The following ALDH1A1 variants were observed in gnomAD, a reference collection of about 807,000 sequenced individuals.
ALDH1A1 encodes aldehyde dehydrogenase 1A1.
In ALDH1A1, 19 loss-of-function variants were observed where a neutral mutation model predicts 62.1. The ratio of observed to expected loss-of-function variants is 0.31; its 90% confidence interval spans 0.21 to 0.45. The LOEUF is 0.45. Ranked by LOEUF, ALDH1A1 falls within the 20% of genes least tolerant of loss-of-function variation. The pLI is 1.00. For missense variants in ALDH1A1, 521 were observed against 607.1 expected (o/e 0.86, Z 1.49); for synonymous variants, 231 against 215.9 (o/e 1.07, Z -0.61).
intron 3 of ALDH1A1, among the ~76,000 whole-genome samples, chr9:72,930,659 A>C (rs536974276): frequency 5.3e-5 from 8 of 152,196 alleles, no homozygotes; most frequent in Non-Finnish European, 1.2e-4. Flanking sequence ...AGACCGTAGA[A>C]TCTATTATGG....
chr9:72,906,704 A>G (rs1220865086), intron 11 of ALDH1A1, among the ~76,000 whole-genome samples: 2 of 152,238 alleles, frequency 1.3e-5, no homozygotes, highest in Admixed American at 6.5e-5. Context: ...AGTTTTGCAG[A>G]CCATAAACAA....
Position 72,917,066 on chromosome 9 carries a change from AGAAT to A in ALDH1A1, c.885_888del (p.Phe296ThrfsTer8). ...GCTATACAACACTGGCCCTGGTGGT[AGAAT>A]ACCCCATGGTGTGCAAATTCAACAG... is the stretch of plus-strand genomic sequence containing the variant. On this transcript the variant is annotated frameshift_variant, in exon 9 of 13. Coordinates refer to ENST00000297785, the MANE Select transcript of ALDH1A1 (RefSeq NM_000689.5). LOFTEE classifies it high-confidence loss of function. 1 of 1,611,802 alleles carries A rather than the reference AGAAT, an allele frequency of 6.2e-7. No individual in the cohort carries two copies. Among genetic ancestry groups the A allele is most frequent in the Non-Finnish European group, 8.5e-7 (1 of 1,178,728 alleles).
intron 10 of ALDH1A1, 87 bp downstream of exon 10, chr9:72,911,871 G>C (rs1278252520): frequency 2.8e-6 from 4 of 1,436,536 alleles, no homozygotes; most frequent in Non-Finnish European, 3.9e-6. Flanking sequence ...GTTCCAAAGA[G>C]CTGGGAATTT....
At chr9:72,939,439 ATAACT>A (rs1404583109) in intron 2 of ALDH1A1, among the ~76,000 whole-genome samples, 1 of 152,204 alleles carries the variant, frequency 6.6e-6, no homozygotes, top group Non-Finnish European at 1.5e-5. Context: ...TTTTAATAAA[ATAACT>A]TAGTAATATA....
At chr9:72,941,302 A>T (rs1334380163) in intron 1 of ALDH1A1, among the ~76,000 whole-genome samples, 2 of 152,194 alleles carry the variant, frequency 1.3e-5, no homozygotes, top group African/African-American at 4.8e-5. Flanking sequence ...TCCAAGGTTT[A>T]AATTAGCTAC....
chr9:72,941,187 G>A (rs996526959), intron 1 of ALDH1A1, among the ~76,000 whole-genome samples: 3 of 152,094 alleles, frequency 2.0e-5, no homozygotes, highest in African/African-American at 7.2e-5. Context: ...TGACATATGT[G>A]CTGGATTATA....
At position 72,911,961 on chromosome 9, in the gene ALDH1A1, C is replaced by T. The variant is rs764465241; in HGVS notation, c.1197G>A (p.Glu399=). ...NVTDEMRIAK[E]EIFGPVQQIM... is the part of the protein sequence containing the mutation. Reference sequence around the variant, plus strand: ...AGAACAGAATGAAGCCATTTACCTCCTCTTTGGCAATGCGCATCTCATCTG... The same window carrying T: ...AGAACAGAATGAAGCCATTTACCTCTTCTTTGGCAATGCGCATCTCATCTG... Residue 399 remains glutamate (E), a synonymous_variant, in exon 10 of 13, where the codon GAG becomes GAA. Transcript: ENST00000297785. The T allele has an allele frequency of 6.2e-7, 1 of 1,613,886 alleles. No homozygotes were observed. Among genetic ancestry groups the T allele is most frequent in the Non-Finnish European group, 8.5e-7 (1 of 1,179,830 alleles).
chr9:72,930,701 T>C (rs987378614), intron 3 of ALDH1A1, among the ~76,000 whole-genome samples, 178 bp downstream of exon 3: 2 of 152,192 alleles, frequency 1.3e-5, no homozygotes, highest in Admixed American at 6.5e-5. Flanking sequence ...AGAATTGAAA[T>C]GCAGATTACT....
intron 8 of ALDH1A1, among the ~76,000 whole-genome samples, chr9:72,918,436 C>A (rs896580961): frequency 6.6e-5 from 10 of 151,966 alleles, no homozygotes; most frequent in Admixed American, 5.9e-4. Context: ...AAAAAATACA[C>A]CATGGCATTT....
chr9:72,940,374 C>T, intron 1 of ALDH1A1, 122 bp from the exon 2 acceptor site: 1 of 696,278 alleles, frequency 1.4e-6, no homozygotes, highest in Non-Finnish European at 2.5e-6. Context: ...CTTCACCTCT[C>T]AAAACTTTCT....
At chr9:72,914,367 C>T (rs537356229) in intron 9 of ALDH1A1, among the ~76,000 whole-genome samples, 1 of 152,228 alleles carries the variant, frequency 6.6e-6, no homozygotes, top group Non-Finnish European at 1.5e-5. Flanking sequence ...AGCATGTGGA[C>T]CAAGCACTCT....
At position 72,924,124 on chromosome 9, in the gene ALDH1A1, A is replaced by T. The variant is rs766660256; in HGVS notation, c.642T>A (p.Phe214Leu). The change falls in exon 7 of 13, where the codon TTT becomes TTA. Residue 214 changes from phenylalanine to leucine, a missense_variant. Coordinates refer to ENST00000297785, the MANE Select transcript of ALDH1A1 (RefSeq NM_000689.5). ...HVASLIKEAG[F>L]PPGVVNIVPG... is the part of the protein sequence containing the mutation. ...GAACAATATTCACTACTCCAGGAGG[A>T]AACCCTGCCTAAAAGATAAAAAGTT... 4 of 1,601,746 alleles carry T rather than the reference A, an allele frequency of 2.5e-6. No homozygotes were observed. In the African/African-American group the frequency reaches 4.0e-5, roughly 16 times the overall value.
intron 2 of ALDH1A1, among the ~76,000 whole-genome samples, chr9:72,937,641 T>G (rs1047298289): frequency 1.3e-5 from 2 of 152,180 alleles, no homozygotes; most frequent in African/African-American, 4.8e-5. Context: ...ACTGTGGACA[T>G]GTACAGAGGC....
At chr9:72,932,912 G>A (rs560381346) in intron 2 of ALDH1A1, among the ~76,000 whole-genome samples, 1 of 152,282 alleles carries the variant, frequency 6.6e-6, no homozygotes, top group Non-Finnish European at 1.5e-5. Context: ...ATTGGTCTTA[G>A]CCAAATATGG....
At chr9:72,901,519 C>T (rs1829803404) in intron 12 of ALDH1A1, among the ~76,000 whole-genome samples, 1 of 152,036 alleles carries the variant, frequency 6.6e-6, no homozygotes, top group African/African-American at 2.4e-5. Flanking sequence ...CATGTACTGT[C>T]AGTTGATTTC....
At chr9:72,937,558 A>G (rs1475314055) in intron 2 of ALDH1A1, among the ~76,000 whole-genome samples, 1 of 152,200 alleles carries the variant, frequency 6.6e-6, no homozygotes. Flanking sequence ...AATCTCAAAG[A>G]AGGTTAAGTA....
At chr9:72,902,642 G>T (rs1829820036) in intron 12 of ALDH1A1, among the ~76,000 whole-genome samples, 1 of 151,872 alleles carries the variant, frequency 6.6e-6, no homozygotes. Flanking sequence ...TGTATTTTGG[G>T]TCATATAGGC....
At chr9:72,901,376 T>A in intron 12 of ALDH1A1, 96 bp from the exon 13 acceptor site, 1 of 817,334 alleles carries the variant, frequency 1.2e-6, no homozygotes, top group Non-Finnish European at 2.0e-6. Context: ...CTTGTTTTAC[T>A]GGCTAGGGAC....
intron 7 of ALDH1A1, among the ~76,000 whole-genome samples, chr9:72,921,503 C>CTTTTTTTTTTTTTTTTTTATTT (rs11327072): frequency 3.7e-5 from 4 of 109,490 alleles, no homozygotes; most frequent in South Asian, 3.0e-4. Context: ...ACATTTAATT[C>CTTTTTTTTTTTTTTTTTTATTT]TTTTTTTTTT....
Sources: allele counts gnomAD v4.1 joint callset (sites outside exome capture counted in the v4.1 genomes callset), GRCh38; gene constraint gnomAD v4.1.1; transcripts MANE v1.5; gene names NCBI Gene and HGNC (gene_info 2026-07-23, HGNC 2026-07-21).